ARHGAP20: variants seen among roughly 807,000 people sequenced by gnomAD.
The protein encoded by ARHGAP20 is Rho GTPase activating protein 20, also known as rho GTPase-activating protein 20.
Under a neutral mutation model 73.7 loss-of-function variants are expected in ARHGAP20, and 34 were observed. The ratio of observed to expected loss-of-function variants is 0.46; its 90% confidence interval spans 0.35 to 0.61. The LOEUF (loss-of-function observed/expected upper bound fraction) is 0.61, where lower values mean the gene tolerates loss of function less well. ARHGAP20 is among the 20% of genes least tolerant of loss of function. The pLI, the probability that ARHGAP20 is intolerant of heterozygous loss-of-function variation, is 0.00. For missense variants in ARHGAP20, 1,314 were observed against 1,420.9 expected, an observed-to-expected ratio of 0.92 and a Z score of 1.21; for synonymous variants, 523 against 518.2, an observed-to-expected ratio of 1.01 and a Z score of -0.13.
chr11:110,591,942 T>C, intron 10 of ARHGAP20, 35 bp downstream of exon 10: 1 of 1,604,596 alleles, frequency 6.2e-7, no homozygotes, highest in Non-Finnish European at 8.5e-7. Flanking sequence ...CCAAACACCC[T>C]TTCCCATCAG....
At chr11:110,627,659 T>C (rs910646524) in intron 3 of ARHGAP20, among the ~76,000 whole-genome samples, 3 of 152,186 alleles carry the variant, frequency 2.0e-5, no homozygotes. Flanking sequence ...TAAACAGAAC[T>C]CATTACTATT....
At chr11:110,706,360 T>C (rs1277854212) in intron 1 of ARHGAP20, among the ~76,000 whole-genome samples, 3 of 152,156 alleles carry the variant, frequency 2.0e-5, no homozygotes, top group Non-Finnish European at 4.4e-5. Context: ...ACCTACCTCA[T>C]ATAATTGATG....
intron 2 of ARHGAP20, among the ~76,000 whole-genome samples, chr11:110,679,895 G>A (rs1420016249): frequency 6.6e-6 from 1 of 152,024 alleles, no homozygotes; most frequent in African/African-American, 2.4e-5. Flanking sequence ...TTAAACAGCT[G>A]GTCACTCCAG....
intron 12 of ARHGAP20, among the ~76,000 whole-genome samples, chr11:110,585,891 T>C (rs757492739): frequency 2.0e-5 from 3 of 152,168 alleles, no homozygotes; most frequent in African/African-American, 7.2e-5. Context: ...ATGACTTCAG[T>C]TGGTGAATGC....
chr11:110,709,111 T>C (rs900288759), intron 1 of ARHGAP20, among the ~76,000 whole-genome samples: 8 of 152,308 alleles, frequency 5.3e-5, no homozygotes, highest in Non-Finnish European at 1.2e-4. Flanking sequence ...GAAGTTTTAT[T>C]ACAACACAGC....
chr11:110,615,491 G>A (rs868082900), intron 5 of ARHGAP20, 62 bp downstream of exon 5: 5 of 1,489,580 alleles, frequency 3.4e-6, no homozygotes, highest in Non-Finnish European at 4.6e-6. Flanking sequence ...CATCTCTGCA[G>A]AAAAGGTCTT....
At chr11:110,681,186 T>C (rs1426719833) in intron 2 of ARHGAP20, among the ~76,000 whole-genome samples, 4 of 152,212 alleles carry the variant, frequency 2.6e-5, no homozygotes, top group Non-Finnish European at 5.9e-5. Context: ...GGAACAGTGT[T>C]TGACATAGAA....
intron 1 of ARHGAP20, among the ~76,000 whole-genome samples, chr11:110,705,308 C>T (rs905657731): frequency 3.3e-5 from 5 of 152,052 alleles, no homozygotes; most frequent in Non-Finnish European, 5.9e-5. Context: ...GAACATGTTC[C>T]ACCTTTTGTC....
intron 2 of ARHGAP20, among the ~76,000 whole-genome samples, chr11:110,689,578 C>G (rs1386501809): frequency 6.6e-6 from 1 of 151,950 alleles, no homozygotes; most frequent in East Asian, 1.9e-4. Context: ...ATGAAAGACT[C>G]TTAAAATGTC....
chr11:110,588,218 C>T (rs1173517313), intron 11 of ARHGAP20, among the ~76,000 whole-genome samples: 1 of 152,222 alleles, frequency 6.6e-6, no homozygotes, highest in African/African-American at 2.4e-5. Context: ...CAATCACCAG[C>T]TCACAGCACT....
At chr11:110,646,649 A>G (rs1296888575) in intron 2 of ARHGAP20, among the ~76,000 whole-genome samples, 1 of 152,176 alleles carries the variant, frequency 6.6e-6, no homozygotes, top group African/African-American at 2.4e-5. Flanking sequence ...CTATATTAAG[A>G]TGGTTATCTA....
At position 110,580,702 on chromosome 11, in the gene ARHGAP20, G is replaced by A. The variant is rs749046553; in HGVS notation, c.2244C>T (p.Pro748=). ...AACATGTCTTTCCTTCCTCCTGGAG[G>A]GGTTGATTCTGCTTCAGATAGTCTT... ...KDEDYLKQNQ[P]LQEEGKTCFK... Residue 748 remains proline (P), a synonymous_variant, in exon 15 of 15, where the codon CCC becomes CCT. Coordinates refer to ENST00000683387, the MANE Select transcript of ARHGAP20 (RefSeq NM_001384657.1). 2 of 1,613,866 alleles carry A rather than the reference G, an allele frequency of 1.2e-6. No homozygotes were observed. Among genetic ancestry groups the A allele is most frequent in the East Asian group, 2.2e-5 (1 of 44,882 alleles).
At chr11:110,708,014 C>A (rs1013825039) in intron 1 of ARHGAP20, among the ~76,000 whole-genome samples, 2 of 150,750 alleles carry the variant, frequency 1.3e-5, no homozygotes, top group Admixed American at 6.6e-5. Flanking sequence ...AAAATAAGAA[C>A]TTCCGTTCTT....
At chr11:110,711,911 G>T in intron 1 of ARHGAP20, 1 of 1,262,656 alleles carries the variant, frequency 7.9e-7, no homozygotes, top group Non-Finnish European at 9.9e-7. Context: ...TAAGGCTCTA[G>T]AAACGGAGAA....
At chr11:110,677,832 A>G (rs1177978029) in intron 2 of ARHGAP20, among the ~76,000 whole-genome samples, 1 of 152,200 alleles carries the variant, frequency 6.6e-6, no homozygotes, top group East Asian at 1.9e-4. Flanking sequence ...ATGGTTCCTC[A>G]AAAGATTAGT....
chr11:110,630,010 T>A (rs920518158), intron 3 of ARHGAP20, among the ~76,000 whole-genome samples: 10 of 152,182 alleles, frequency 6.6e-5, no homozygotes, highest in African/African-American at 1.9e-4. Context: ...CCTACACAGG[T>A]CCTTATAACC....
At chr11:110,675,384 T>C (rs879793928) in intron 2 of ARHGAP20, among the ~76,000 whole-genome samples, 1 of 152,196 alleles carries the variant, frequency 6.6e-6, no homozygotes, top group Non-Finnish European at 1.5e-5. Flanking sequence ...TAAATTCTCA[T>C]TGCTAGAACA....
intron 4 of ARHGAP20, 113 bp downstream of exon 4, chr11:110,624,049 A>G: frequency 1.5e-6 from 2 of 1,357,030 alleles, no homozygotes; most frequent in Non-Finnish European, 2.0e-6. Context: ...AGAATAAAAT[A>G]TTTCCCTCTT....
In ARHGAP20 at chr11:110,609,106, T is replaced by C. The variant is rs1948304851; in HGVS notation, c.709-56A>G. On this transcript the variant is annotated intron_variant, in intron 7 of 14. Coordinates refer to ENST00000683387, the MANE Select transcript of ARHGAP20 (RefSeq NM_001384657.1). ...AAATCTTTCACATTTGATACTTGAA[T>C]GAGGACACATTTTTTTTTTTTGGTT... The C allele has an allele frequency of 2.6e-6, 4 of 1,539,010 alleles. No individual in the cohort carries two copies. The Admixed American group carries it at 5.3e-5, about 20-fold the overall frequency.
Sources: allele counts gnomAD v4.1 joint callset (sites outside exome capture counted in the v4.1 genomes callset), GRCh38; gene constraint gnomAD v4.1.1; transcripts MANE v1.5; gene names NCBI Gene and HGNC (gene_info 2026-07-23, HGNC 2026-07-21).